NR2C2: variants seen among roughly 807,000 people sequenced by gnomAD.
NR2C2 encodes Nuclear hormone receptor TR4.
In NR2C2, 6 loss-of-function variants were observed where a neutral mutation model predicts 62.9. The ratio of observed to expected loss-of-function variants is 0.10; its 90% confidence interval spans 0.05 to 0.19. The LOEUF is 0.19. Among genes scored for constraint, NR2C2 ranks in the 10% least tolerant of loss-of-function variants. NR2C2 has a pLI of 1.00. For synonymous variants in NR2C2, 272 were observed against 273.8 expected (o/e 0.99, Z 0.07); for missense variants, 479 against 762.7 (o/e 0.63, Z 4.38).
In NR2C2 at chr3:15,032,042, A is replaced by G. The variant is rs556554551; in HGVS notation, c.1111-337A>G. 2.0e-5 allele frequency among the ~76,000 whole-genome samples: 3 copies of G among 152,254 alleles called. No homozygotes were observed. In the East Asian group the frequency reaches 5.8e-4, roughly 29 times the overall value. ...CCCGCACCTGGCCCCTGTTCCCCAG[A>G]TTTAATTTAGACCTTAACCTATGGC... is the stretch of plus-strand genomic sequence containing the variant. On this transcript the variant is annotated intron_variant, in intron 9 of 13. Transcript: ENST00000425241.
rs2042427179 is a variant in NR2C2, at chr3:15,045,727, T to A, written c.*2719T>A. 6.5e-6 allele frequency: 1 copy of A among 152,672 alleles called. No individual in the cohort carries two copies. The highest frequency in any genetic ancestry group is 1.5e-5 in the Non-Finnish European group (1 of 68,042). 9.5% of individuals were successfully genotyped at this position (152,672 alleles called of 1,614,324 possible). The stretch of plus-strand genomic sequence containing the variant: ...GCAAACCAAATATTTGGGCTCCAAC[T>A]TTCACAGGGCTTATAGCCCTTATTA... On this transcript the variant is annotated 3_prime_UTR_variant, in exon 14 of 14. Transcript: ENST00000425241.
At chr3:14,996,098 A>T (rs115554601) in intron 1 of NR2C2, among the ~76,000 whole-genome samples, 288 of 152,250 alleles carry the variant, frequency 1.9e-3, no homozygotes, top group African/African-American at 6.4e-3. Flanking sequence ...TTTGAGAATT[A>T]TTTTCTCCCA....
rs1234653896 is a variant in NR2C2, at chr3:15,000,988, G to A, written c.-39-2888G>A. Among the ~76,000 whole-genome samples, 6 of 151,622 alleles carry A rather than the reference G, an allele frequency of 4.0e-5. No individual in the cohort carries two copies. In the East Asian group the frequency reaches 9.7e-4, roughly 25 times the overall value. ...CGTCACCACGCCCGGCTAATTTTTT[G>A]TATTTTTAGTAGAGACAGGGTTTCA... On this transcript the variant is annotated intron_variant, in intron 1 of 13. Coordinates refer to ENST00000425241, the MANE Select transcript of NR2C2 (RefSeq NM_001291694.2).
rs2042503055 is a variant in NR2C2 at position 15,047,643 on chromosome 3, A to G, written c.*4635A>G. ...GCTTGCGCTGTGCTCAGTCAGCAAG[A>G]TGTGGGGCACTGTCCTATGACTGAA... On this transcript the variant is annotated 3_prime_UTR_variant, in exon 14 of 14. Transcript: ENST00000425241. The G allele has an allele frequency of 6.6e-6, 1 of 152,228 alleles. No homozygotes were observed. The highest frequency in any genetic ancestry group is 6.5e-5 in the Admixed American group (1 of 15,284). 9.4% of individuals were successfully genotyped at this position (152,228 alleles called of 1,614,324 possible). A position where few individuals can be genotyped will look rare whatever the true frequency, so the allele number is the denominator to read the frequency against.
intron 4 of NR2C2, among the ~76,000 whole-genome samples, chr3:15,016,519 A>G (rs889209074): frequency 6.6e-6 from 1 of 152,210 alleles, no homozygotes; most frequent in South Asian, 2.1e-4. Context: ...TGCTGCTAAG[A>G]AAGTACTCAT....
chr3:14,990,912 C>G (rs888291380), intron 1 of NR2C2, among the ~76,000 whole-genome samples: 1 of 152,138 alleles, frequency 6.6e-6, no homozygotes, highest in African/African-American at 2.4e-5. Flanking sequence ...TTAATAGGAA[C>G]TTGTATTTGA....
At chr3:15,016,896 A>T (rs58106718) in intron 4 of NR2C2, among the ~76,000 whole-genome samples, 13,866 of 152,304 alleles carry the variant, frequency 0.091, 724 homozygotes, top group African/African-American at 0.13. Flanking sequence ...AGACTGAAGA[A>T]GATGTCTGGC....
intron 1 of NR2C2, among the ~76,000 whole-genome samples, chr3:14,997,734 A>G (rs531950341): frequency 2.6e-5 from 4 of 152,096 alleles, no homozygotes; most frequent in African/African-American, 9.6e-5. Context: ...CTTATGAAAG[A>G]AAAAAAAATT....
intron 12 of NR2C2, 133 bp from the exon 13 acceptor site, chr3:15,038,989 C>G (rs1394133742): frequency 1.9e-5 from 13 of 672,076 alleles, no homozygotes; most frequent in Non-Finnish European, 3.2e-5. Flanking sequence ...AATACCCAAA[C>G]TAGATCAGTC....
At chr3:15,008,807 C>T (rs549408785) in intron 2 of NR2C2, among the ~76,000 whole-genome samples, 1 of 152,306 alleles carries the variant, frequency 6.6e-6, no homozygotes, top group East Asian at 1.9e-4. Context: ...ATGAAAACCA[C>T]AGGACTGATT....
chr3:14,979,346 A>G (rs1034098826), intron 1 of NR2C2, among the ~76,000 whole-genome samples: 1 of 152,222 alleles, frequency 6.6e-6, no homozygotes, highest in Non-Finnish European at 1.5e-5. Flanking sequence ...TCATTAATGT[A>G]TCCATTCAGC....
chr3:15,033,141 TGA>T (rs1238296463), intron 10 of NR2C2, among the ~76,000 whole-genome samples: 4 of 152,186 alleles, frequency 2.6e-5, no homozygotes, highest in Non-Finnish European at 5.9e-5. Flanking sequence ...GGAAATACAA[TGA>T]GAGTCATTGC....
At chr3:15,014,495 A>G (rs1485625891) in intron 3 of NR2C2, among the ~76,000 whole-genome samples, 2 of 152,166 alleles carry the variant, frequency 1.3e-5, no homozygotes, top group Non-Finnish European at 2.9e-5. Flanking sequence ...TTTTGATAAA[A>G]TACACATAAT....
chr3:14,987,646 A>G (rs181371246), intron 1 of NR2C2, among the ~76,000 whole-genome samples: 1 of 152,266 alleles, frequency 6.6e-6, no homozygotes, highest in East Asian at 1.9e-4. Context: ...AATGCTTCTC[A>G]TTATCTACAA....
At chr3:14,955,491 A>G (rs1251006416) in intron 1 of NR2C2, among the ~76,000 whole-genome samples, 1 of 151,788 alleles carries the variant, frequency 6.6e-6, no homozygotes, top group Non-Finnish European at 1.5e-5. Context: ...TTTGAAGGGC[A>G]CTGTGATCTA....
At chr3:14,985,228 A>G (rs911076137) in intron 1 of NR2C2, among the ~76,000 whole-genome samples, 30 of 152,038 alleles carry the variant, frequency 2.0e-4, no homozygotes, top group Admixed American at 3.3e-4. Context: ...CTCCCAATCT[A>G]TGGCTTATAT....
intron 2 of NR2C2, among the ~76,000 whole-genome samples, chr3:15,007,623 G>C (rs2041223471): frequency 6.6e-6 from 1 of 152,162 alleles, no homozygotes; most frequent in East Asian, 1.9e-4. Context: ...GTCTAACACA[G>C]TGTCTGACAG....
chr3:14,961,422 T>A (rs1199879715), intron 1 of NR2C2, among the ~76,000 whole-genome samples: 3 of 152,224 alleles, frequency 2.0e-5, no homozygotes, highest in African/African-American at 7.2e-5. Flanking sequence ...TAATTTTCTA[T>A]ATTGCACACT....
chr3:15,009,927 C>T (rs1025079099), intron 2 of NR2C2, among the ~76,000 whole-genome samples: 1 of 152,160 alleles, frequency 6.6e-6, no homozygotes, highest in Non-Finnish European at 1.5e-5. Flanking sequence ...CAATCTCTGC[C>T]TCCATTGCCA....
Sources: allele counts gnomAD v4.1 joint callset (sites outside exome capture counted in the v4.1 genomes callset), GRCh38; gene constraint gnomAD v4.1.1; transcripts MANE v1.5; gene names NCBI Gene and HGNC (gene_info 2026-07-23, HGNC 2026-07-21).